ABTB3: variants seen among roughly 807,000 people sequenced by gnomAD.
ABTB3 encodes the protein ankyrin repeat and BTB domain containing 3.
chr12:107,346,445 C>T, the ABTB3 span, among the ~76,000 whole-genome samples: 1 of 152,116 alleles, frequency 6.6e-6, no homozygotes, highest in African/African-American at 2.4e-5. Context: ...ACAGGAAGCC[C>T]TTCAAATTGA....
At chr12:107,551,913 C>T in the ABTB3 span, among the ~76,000 whole-genome samples, 4 of 152,076 alleles carry the variant, frequency 2.6e-5, no homozygotes, top group South Asian at 2.1e-4. Flanking sequence ...CCACCATGCC[C>T]GGCTAATTTT....
chr12:107,655,441 A>T, the ABTB3 span, among the ~76,000 whole-genome samples: 1 of 152,122 alleles, frequency 6.6e-6, no homozygotes, highest in Non-Finnish European at 1.5e-5. Context: ...CTTTCTGTGC[A>T]CTGCTTCCCC....
chr12:107,464,823 G>A, the ABTB3 span, among the ~76,000 whole-genome samples: 62 of 152,158 alleles, frequency 4.1e-4, no homozygotes, highest in Non-Finnish European at 4.1e-4. Flanking sequence ...AGGGGATGTT[G>A]GGCAATGTCT....
chr12:107,609,731 A>G, the ABTB3 span, among the ~76,000 whole-genome samples: 1 of 152,218 alleles, frequency 6.6e-6, no homozygotes, highest in African/African-American at 2.4e-5. Flanking sequence ...GTAGATAAAC[A>G]GGCCAGCTCT....
the ABTB3 span, chr12:107,612,892 G>A: frequency 1.2e-6 from 2 of 1,606,042 alleles, no homozygotes; most frequent in Admixed American, 3.4e-5. Flanking sequence ...AGGCCAGCAG[G>A]GCCCCTCGGC....
the ABTB3 span, among the ~76,000 whole-genome samples, chr12:107,564,258 T>G: frequency 6.6e-6 from 1 of 152,032 alleles, no homozygotes; most frequent in Non-Finnish European, 1.5e-5. Flanking sequence ...TCCCAAAGGA[T>G]CACTCAACCA....
the ABTB3 span, among the ~76,000 whole-genome samples, chr12:107,605,078 T>G: frequency 6.6e-6 from 1 of 152,220 alleles, no homozygotes; most frequent in South Asian, 2.1e-4. Context: ...GTAATGCATA[T>G]GGTAATTAGT....
chr12:107,328,694 T>G, the ABTB3 span, among the ~76,000 whole-genome samples: 1 of 152,298 alleles, frequency 6.6e-6, no homozygotes, highest in Middle Eastern at 3.4e-3. Flanking sequence ...CTCAGAAAAG[T>G]TCAGCAACTA....
chr12:107,608,992 AAATAAAATAAAATAAAAT>A, the ABTB3 span, among the ~76,000 whole-genome samples: 7 of 137,260 alleles, frequency 5.1e-5, 1 homozygote, highest in African/African-American at 1.9e-4. Context: ...AAATAAAATA[AAATAAAATAAAATAAAAT>A]AAAGACACAG....
chr12:107,493,788 G>A, the ABTB3 span, among the ~76,000 whole-genome samples: 12 of 152,140 alleles, frequency 7.9e-5, no homozygotes, highest in South Asian at 2.1e-4. Flanking sequence ...ACATGAAGGC[G>A]GAGATGAGGA....
chr12:107,389,647 C>G, the ABTB3 span, among the ~76,000 whole-genome samples: 1 of 152,136 alleles, frequency 6.6e-6, no homozygotes, highest in East Asian at 1.9e-4. Flanking sequence ...CAACAACCAT[C>G]TTATCCCACA....
the ABTB3 span, among the ~76,000 whole-genome samples, chr12:107,450,004 C>T: frequency 6.6e-6 from 1 of 152,080 alleles, no homozygotes; most frequent in Non-Finnish European, 1.5e-5. Flanking sequence ...TAGCACAGTG[C>T]CTGGTATGCA....
chr12:107,577,169 A>G, the ABTB3 span, among the ~76,000 whole-genome samples: 1 of 152,196 alleles, frequency 6.6e-6, no homozygotes, highest in Non-Finnish European at 1.5e-5. Context: ...AGTAGTAGCA[A>G]CAGAGACTGA....
chr12:107,358,741 C>A, the ABTB3 span, among the ~76,000 whole-genome samples: 1 of 152,160 alleles, frequency 6.6e-6, no homozygotes. Context: ...ATTACAGGTG[C>A]ACACCACCAC....
the ABTB3 span, among the ~76,000 whole-genome samples, chr12:107,566,007 A>AC: frequency 3.3e-5 from 5 of 151,852 alleles, no homozygotes; most frequent in African/African-American, 1.2e-4. Flanking sequence ...GTCATCCCTC[A>AC]CCTCCAGATT....
chr12:107,625,422 G>C, the ABTB3 span, among the ~76,000 whole-genome samples: 1 of 152,120 alleles, frequency 6.6e-6, no homozygotes, highest in Non-Finnish European at 1.5e-5. Context: ...ATCTTATTTA[G>C]ACCTTCTGCT....
At chr12:107,655,241 A>G in the ABTB3 span, among the ~76,000 whole-genome samples, 651 of 150,000 alleles carry the variant, frequency 4.3e-3, 9 homozygotes, top group African/African-American at 0.016. Context: ...TATGGCAGAG[A>G]AACTGCCTCT....
At chr12:107,519,592 A>G in the ABTB3 span, among the ~76,000 whole-genome samples, 6 of 152,180 alleles carry the variant, frequency 3.9e-5, no homozygotes, top group Non-Finnish European at 5.9e-5. Context: ...TGCTGGGATT[A>G]TGGGCGTGAG....
chr12:107,572,360 G>C, the ABTB3 span, among the ~76,000 whole-genome samples: 407 of 151,952 alleles, frequency 2.7e-3, 8 homozygotes, highest in East Asian at 0.042. Context: ...AGCTGTGAGA[G>C]GCCAGAAGTC....
Sources: gnomAD v4.1 joint callset for allele counts (sites outside exome capture counted in the v4.1 genomes callset) on GRCh38, gnomAD v4.1.1 for gene constraint, MANE v1.5 for transcripts, NCBI Gene and HGNC (gene_info 2026-07-23, HGNC 2026-07-21) for gene names.